Variants in ENPP2 observed in about 807,000 individuals in gnomAD.
ENPP2 encodes the protein autotaxin.
Under a neutral mutation model 120.2 loss-of-function variants are expected in ENPP2, and 51 were observed. The ratio of observed to expected loss-of-function variants is 0.42; its 90% CI spans 0.34 to 0.54. ENPP2 has a LOEUF of 0.54. Ranked by LOEUF, ENPP2 falls within the 20% of genes least tolerant of loss-of-function variation. The pLI is 0.04. For missense variants in ENPP2, 920 were observed against 1,066.5 expected, an observed-to-expected ratio of 0.86 and a Z score of 1.91; for synonymous variants, 365 against 366.4, an observed-to-expected ratio of 1.00 and a Z score of 0.04.
At chr8:119,600,610 A>C in intron 11 of ENPP2, 68 bp downstream of exon 11, 1 of 967,702 alleles carries the variant, frequency 1.0e-6, no homozygotes, top group Non-Finnish European at 1.7e-6. Flanking sequence ...ACAATTCCTG[A>C]AATAAAGTCA....
At position 119,616,765 on chromosome 8, in the gene ENPP2, G is replaced by A. The variant is rs369099692; in HGVS notation, c.658-381C>T. Among the ~76,000 whole-genome samples, 19 of 151,782 alleles carry A rather than the reference G, an allele frequency of 1.3e-4. No homozygotes were observed. In the East Asian group the frequency reaches 1.5e-3, roughly 12 times the overall value. Reference sequence around the variant, plus strand: ...TTCTTTCTAAATTCTATTGCTCCCCGAATCAATAAAAATATATAAATAAAT... The same window carrying A: ...TTCTTTCTAAATTCTATTGCTCCCCAAATCAATAAAAATATATAAATAAAT... On this transcript the variant is annotated intron_variant, in intron 7 of 24. Transcript: ENST00000075322.
At chr8:119,639,892 A>G (rs1817220974), upstream of ENPP2, among the ~76,000 whole-genome samples, 1 of 152,178 alleles carries the variant, frequency 6.6e-6, no homozygotes, top group African/African-American at 2.4e-5. Context: ...TAAATATTAC[A>G]TGCCTTCAGG....
intron 11 of ENPP2, among the ~76,000 whole-genome samples, chr8:119,594,998 CAGTTGAA>C (rs1335065703): frequency 2.0e-5 from 3 of 152,174 alleles, no homozygotes; most frequent in African/African-American, 7.2e-5. Flanking sequence ...GAGGAAGCCA[CAGTTGAA>C]AGTTTCAGAA....
chr8:119,668,835 C>A (rs1818157369), intron 1 of ENPP2, among the ~76,000 whole-genome samples: 1 of 152,188 alleles, frequency 6.6e-6, no homozygotes, highest in African/African-American at 2.4e-5. Flanking sequence ...GCTGCCACTT[C>A]TCTCTAACTT....
intron 19 of ENPP2, chr8:119,572,177 T>C: frequency 6.4e-7 from 1 of 1,550,732 alleles, no homozygotes. Flanking sequence ...AAACCAAACC[T>C]TTTCTAGGTT....
chr8:119,567,289 T>A (rs917845665), intron 22 of ENPP2, among the ~76,000 whole-genome samples: 4 of 152,208 alleles, frequency 2.6e-5, no homozygotes, highest in Non-Finnish European at 4.4e-5. Context: ...GATGGATGGA[T>A]GAATGAGGAT....
chr8:119,567,596 C>G (rs116101918), intron 22 of ENPP2, among the ~76,000 whole-genome samples: 1 of 152,140 alleles, frequency 6.6e-6, no homozygotes, highest in African/African-American at 2.4e-5. Flanking sequence ...ATAATTGGTA[C>G]AGGACTAAAA....
chr8:119,568,542 A>C (rs2130054138), intron 21 of ENPP2, among the ~76,000 whole-genome samples: 1 of 152,078 alleles, frequency 6.6e-6, no homozygotes, highest in Non-Finnish European at 1.5e-5. Context: ...CCTTGATTTC[A>C]TCAGTGCCAT....
At chr8:119,630,472 C>T (rs1816588090) in intron 2 of ENPP2, among the ~76,000 whole-genome samples, 1 of 152,314 alleles carries the variant, frequency 6.6e-6, no homozygotes, top group Non-Finnish European at 1.5e-5. Flanking sequence ...TTTCTTCACT[C>T]ATTCACCTGA....
intron 5 of ENPP2, chr8:119,618,514 C>T: frequency 2.9e-6 from 1 of 342,676 alleles, no homozygotes; most frequent in East Asian, 8.0e-5. Context: ...ATAAAGGTTC[C>T]CATTCAGAAG....
rs747885618 is a variant in ENPP2, at chr8:119,600,656, A to G, written c.972+22T>C. 2.7e-5 allele frequency: 41 copies of G among 1,508,676 alleles called. No homozygotes were observed. In the South Asian group the frequency reaches 4.6e-4, roughly 17 times the overall value. 93.5% of individuals were successfully genotyped at this position (1,508,676 alleles called of 1,614,324 possible). On this transcript the variant is annotated intron_variant, in intron 11 of 24. Coordinates refer to ENST00000075322, the MANE Select transcript of ENPP2 (RefSeq NM_001040092.3). ...TAGCCCAGGGCCACAGATTCTTCTC[A>G]GGCAGATGCTAAACCACTAACCTCA...
At position 119,568,327 on chromosome 8, in the gene ENPP2, G is replaced by A. The variant is rs186750360; in HGVS notation, c.2054-75C>T. The A allele has an allele frequency of 2.2e-4, 178 of 801,920 alleles. No individual in the cohort carries two copies. The African/African-American group carries it at 2.3e-3, about 10-fold the overall frequency. 49.7% of individuals were successfully genotyped at this position (801,920 alleles called of 1,614,324 possible). A position where few individuals can be genotyped will look rare whatever the true frequency, so the allele number is the denominator to read the frequency against. ...CAGTTAAAAAAAAAAGGGAGAGGGG[G>A]GTAGAATTTTCTTAAATGGTCCAAA... On this transcript the variant is annotated intron_variant, in intron 21 of 24. Transcript: ENST00000075322.
At chr8:119,646,380 A>G (rs1817468277) in intron 1 of ENPP2, among the ~76,000 whole-genome samples, 1 of 152,170 alleles carries the variant, frequency 6.6e-6, no homozygotes, top group Non-Finnish European at 1.5e-5. Flanking sequence ...TTAGAAGTGC[A>G]AATGCTTGGA....
At chr8:119,605,326 A>G (rs1240118249) in intron 9 of ENPP2, among the ~76,000 whole-genome samples, 1 of 152,098 alleles carries the variant, frequency 6.6e-6, no homozygotes, top group Non-Finnish European at 1.5e-5. Context: ...CCTGCCTTCC[A>G]AAGTGCTGAG....
At chr8:119,638,059 C>T (rs1423354464) in intron 2 of ENPP2, among the ~76,000 whole-genome samples, 2 of 152,196 alleles carry the variant, frequency 1.3e-5, no homozygotes, top group Non-Finnish European at 2.9e-5. Context: ...GTGGCAAATA[C>T]TACATCCTAT....
chr8:119,632,595 T>C (rs1300863928), intron 2 of ENPP2, among the ~76,000 whole-genome samples: 1 of 152,204 alleles, frequency 6.6e-6, no homozygotes, highest in African/African-American at 2.4e-5. Flanking sequence ...AACAATGCAA[T>C]GCATTTCTTA....
chr8:119,623,860 AAG>A (rs1248277691), intron 3 of ENPP2, among the ~76,000 whole-genome samples: 5 of 152,096 alleles, frequency 3.3e-5, no homozygotes, highest in African/African-American at 9.7e-5. Flanking sequence ...TCCTGACTTC[AAG>A]TGATCTGCCT....
At chr8:119,638,984 C>T (rs1325182983), upstream of ENPP2, 6 of 611,028 alleles carry the variant, frequency 9.8e-6, no homozygotes, top group South Asian at 5.9e-5. Flanking sequence ...AAGCTATCAT[C>T]CCCCTTATCC....
chr8:119,647,337 C>T (rs1351018116), intron 1 of ENPP2, among the ~76,000 whole-genome samples: 1 of 152,126 alleles, frequency 6.6e-6, no homozygotes, highest in Non-Finnish European at 1.5e-5. Context: ...CTTTTGATCT[C>T]TCCAAATGCA....
Sources: allele counts gnomAD v4.1 joint callset (sites outside exome capture counted in the v4.1 genomes callset), GRCh38; gene constraint gnomAD v4.1.1; transcripts MANE v1.5; gene names NCBI Gene and HGNC (gene_info 2026-07-23, HGNC 2026-07-21).